CPNE8: variants seen among roughly 807,000 people sequenced by gnomAD.
CPNE8 encodes the protein copine 8, also known as copine-8.
CPNE8 carries 45 observed loss-of-function variants against 81.5 expected under a neutral mutation model. The ratio of observed to expected loss-of-function variants is 0.55; its 90% CI spans 0.44 to 0.71. The LOEUF (loss-of-function observed/expected upper bound fraction) is 0.71. CPNE8 is among the 30% of genes least tolerant of loss of function. The pLI is 0.00. For synonymous variants in CPNE8, 252 were observed against 226.3 expected, an observed-to-expected ratio of 1.11 and a Z score of -1.02; for missense variants, 594 against 672.1, an observed-to-expected ratio of 0.88 and a Z score of 1.28.
chr12:38,896,661 G>A (rs1424357885), intron 1 of CPNE8, among the ~76,000 whole-genome samples: 1 of 152,108 alleles, frequency 6.6e-6, no homozygotes, highest in Non-Finnish European at 1.5e-5. Context: ...GACTGATTGT[G>A]TCTTGGCAGA....
chr12:38,753,950 C>T (rs529803817), intron 10 of CPNE8, among the ~76,000 whole-genome samples: 1 of 152,164 alleles, frequency 6.6e-6, no homozygotes, highest in South Asian at 2.1e-4. Flanking sequence ...CATATTCCCC[C>T]AGAGATAAGA....
chr12:38,797,171 G>A (rs1345289514), intron 6 of CPNE8, among the ~76,000 whole-genome samples: 1 of 152,212 alleles, frequency 6.6e-6, no homozygotes, highest in South Asian at 2.1e-4. Flanking sequence ...AAATGTCCCT[G>A]TCTGACAGCT....
intron 6 of CPNE8, among the ~76,000 whole-genome samples, chr12:38,823,656 T>C (rs773608703): frequency 6.6e-6 from 1 of 152,170 alleles, no homozygotes; most frequent in African/African-American, 2.4e-5. Flanking sequence ...TCCTTTTATA[T>C]GGAACCACTC....
chr12:38,719,988 A>T (rs1168460875), intron 13 of CPNE8, among the ~76,000 whole-genome samples: 1 of 152,160 alleles, frequency 6.6e-6, no homozygotes, highest in Non-Finnish European at 1.5e-5. Context: ...TGTAAATCAG[A>T]ACTGGGTTCT....
intron 10 of CPNE8, among the ~76,000 whole-genome samples, chr12:38,758,147 A>ACTCTCTCT (rs34541514): frequency 3.4e-5 from 5 of 149,112 alleles, no homozygotes; most frequent in Non-Finnish European, 6.0e-5. Flanking sequence ...CTGTGAACAA[A>ACTCTCTCT]CTCTCTCTCT....
At chr12:38,894,424 C>T (rs917233664) in intron 1 of CPNE8, among the ~76,000 whole-genome samples, 4 of 151,984 alleles carry the variant, frequency 2.6e-5, no homozygotes, top group South Asian at 2.1e-4. Flanking sequence ...CCTCCTTTCC[C>T]CAATGCCTAC....
intron 5 of CPNE8, among the ~76,000 whole-genome samples, chr12:38,832,227 A>C (rs531043417): frequency 1.3e-5 from 2 of 152,332 alleles, no homozygotes; most frequent in South Asian, 2.1e-4. Flanking sequence ...CTAGGTAATG[A>C]GGACGATTTC....
At chr12:38,762,294 G>C in intron 8 of CPNE8, 78 bp from the exon 9 acceptor site, 3 of 710,180 alleles carry the variant, frequency 4.2e-6, no homozygotes, top group Non-Finnish European at 6.7e-6. Context: ...CCATTCCTCT[G>C]CTTACTTTTT....
At chr12:38,906,718 A>C (rs1944577055), upstream of CPNE8, 1 of 560,272 alleles carries the variant, frequency 1.8e-6, no homozygotes, top group South Asian at 7.8e-5. Context: ...CCTCCACTGC[A>C]GGGACCTTTG....
chr12:38,775,501 T>C (rs1043820632), intron 7 of CPNE8, among the ~76,000 whole-genome samples: 1 of 152,208 alleles, frequency 6.6e-6, no homozygotes, highest in Non-Finnish European at 1.5e-5. Context: ...ATTTTTTTCC[T>C]CTGGAAATAC....
intron 5 of CPNE8, among the ~76,000 whole-genome samples, chr12:38,837,005 T>G (rs1259956933): frequency 6.6e-6 from 1 of 152,136 alleles, no homozygotes; most frequent in Non-Finnish European, 1.5e-5. Flanking sequence ...CTAATCTGTA[T>G]AGTCGACTAA....
chr12:38,730,412 G>A (rs764693905), intron 10 of CPNE8, 54 bp from the exon 11 acceptor site: 3 of 987,372 alleles, frequency 3.0e-6, no homozygotes, highest in Non-Finnish European at 4.7e-6. Context: ...TTTGTCAACT[G>A]TATTTTAAAG....
intron 16 of CPNE8, among the ~76,000 whole-genome samples, chr12:38,682,438 A>T (rs917446109): frequency 6.6e-6 from 1 of 150,820 alleles, no homozygotes; most frequent in Non-Finnish European, 1.5e-5. Flanking sequence ...GGTACCTATA[A>T]TCCCAGCTAC....
At position 38,753,865 on chromosome 12, in the gene CPNE8, G is replaced by A. The variant is rs113677927; in HGVS notation, c.722+6982C>T. On this transcript the variant is annotated intron_variant, in intron 10 of 19. Transcript: ENST00000331366. ...ATTAAACTTCAACGTCAGTATGTAC[G>A]TATAAGAAAAAATAGAGCTATATAA... Among the ~76,000 whole-genome samples, 141 of 152,142 alleles carry A rather than the reference G, an allele frequency of 9.3e-4. 1 individual carries two copies. The highest frequency in any genetic ancestry group is 2.7e-3 in the African/African-American group (112 of 41,506).
At chr12:38,673,138 C>T (rs896362224) in intron 18 of CPNE8, among the ~76,000 whole-genome samples, 7 of 152,158 alleles carry the variant, frequency 4.6e-5, no homozygotes, top group Admixed American at 3.3e-4. Context: ...AAATGGCCCT[C>T]TTTCCTGCCC....
chr12:38,796,937 C>T (rs1942494282), intron 6 of CPNE8, among the ~76,000 whole-genome samples: 1 of 152,160 alleles, frequency 6.6e-6, no homozygotes, highest in Non-Finnish European at 1.5e-5. Context: ...TGGAGTCTCG[C>T]TGATTGCTAG....
intron 5 of CPNE8, among the ~76,000 whole-genome samples, chr12:38,836,172 T>C (rs1943377308): frequency 6.6e-6 from 1 of 152,148 alleles, no homozygotes; most frequent in Admixed American, 6.5e-5. Flanking sequence ...AATGCCATAT[T>C]TTGTTCACAG....
At chr12:38,851,708 C>A (rs1027690288) in intron 3 of CPNE8, among the ~76,000 whole-genome samples, 1 of 152,196 alleles carries the variant, frequency 6.6e-6, no homozygotes, top group Admixed American at 6.5e-5. Context: ...CCAGAATAAT[C>A]TTTTGAAAAT....
At chr12:38,786,825 G>A (rs1163506166) in intron 6 of CPNE8, among the ~76,000 whole-genome samples, 1 of 152,154 alleles carries the variant, frequency 6.6e-6, no homozygotes, top group Non-Finnish European at 1.5e-5. Context: ...TAACAATGGA[G>A]CTTGCAGATA....
Sources: allele counts gnomAD v4.1 joint callset (sites outside exome capture counted in the v4.1 genomes callset), GRCh38; gene constraint gnomAD v4.1.1; transcripts MANE v1.5; gene names NCBI Gene and HGNC (gene_info 2026-07-23, HGNC 2026-07-21).